PRRC2C: variants seen among roughly 807,000 people sequenced by gnomAD.
PRRC2C encodes the protein protein PRRC2C.
Under a neutral mutation model 317.2 loss-of-function variants are expected in PRRC2C, and 72 were observed. The observed-to-expected ratio is 0.23, with a 90% confidence interval of 0.19 to 0.28. The LOEUF (loss-of-function observed/expected upper bound fraction) is 0.28, where lower values mean the gene tolerates loss of function less well. PRRC2C is among the 10% of genes least tolerant of loss of function. PRRC2C has a pLI of 1.00. For synonymous variants in PRRC2C, 1,296 were observed against 1,205.9 expected, an observed-to-expected ratio of 1.07 and a Z score of -1.55; for missense variants, 3,074 against 3,459.7, an observed-to-expected ratio of 0.89 and a Z score of 2.80.
Position 171,557,286 on chromosome 1 carries a change from C to G in PRRC2C, c.5174C>G (p.Ser1725Cys), listed in dbSNP as rs1681637092. ...AATGAAAAAGGAAGAAGCCAGACTTCTAAGCTTCCTCCAAGATTTGCCAAA... is the reference window on the plus strand; with the variant it reads ...AATGAAAAAGGAAGAAGCCAGACTTGTAAGCTTCCTCCAAGATTTGCCAAA... ...NANEKGRSQT[S>C]KLPPRFAKKQ... The change falls in exon 19 of 35, where the codon TCT becomes TGT. Residue 1725 changes from serine to cysteine, a missense_variant. Physicochemically the swap from Ser to Cys is moderately radical, Grantham distance 112. Coordinates refer to ENST00000647382, the MANE Select transcript of PRRC2C (RefSeq NM_001387844.1). 1 of 1,551,888 alleles carries G rather than the reference C, an allele frequency of 6.4e-7. No homozygotes were observed.
rs182307139 is a variant in PRRC2C at position 171,571,991 on chromosome 1, A to C, written c.6753+570A>C. Among the ~76,000 whole-genome samples, 10 of 152,240 alleles carry C rather than the reference A, an allele frequency of 6.6e-5. No homozygotes were observed. The East Asian group carries it at 1.7e-3, about 26-fold the overall frequency. ...AGAGATTCAGCGCTTTTTGATGTCAAAATGTTTTGGCCTTTTTTTTTAATC... is the reference window on the plus strand; with the variant it reads ...AGAGATTCAGCGCTTTTTGATGTCACAATGTTTTGGCCTTTTTTTTTAATC... On this transcript the variant is annotated intron_variant, in intron 24 of 34. Coordinates refer to ENST00000647382, the MANE Select transcript of PRRC2C (RefSeq NM_001387844.1).
chr1:171,536,080 CCA>C lies in PRRC2C; in HGVS notation c.2098_2099del (p.Gln700AspfsTer9). On this transcript the variant is annotated frameshift_variant, in exon 14 of 35. Coordinates refer to ENST00000647382, the MANE Select transcript of PRRC2C (RefSeq NM_001387844.1). LOFTEE classifies it high-confidence loss of function. ...WQQQQQQGVL[P>X]QTVPSQPSSS... Reference sequence around the variant, plus strand: ...GCAGCAGCAACAGCAAGGTGTACTTCCACAGACTGTTCCTTCACAACCGTCCA... The same window carrying C: ...GCAGCAGCAACAGCAAGGTGTACTTCCAGACTGTTCCTTCACAACCGTCCA... 6.4e-7 allele frequency: 1 copy of C among 1,554,090 alleles called. No homozygotes were observed. Among genetic ancestry groups the C allele is most frequent in the Admixed American group, 2.0e-5 (1 of 51,118 alleles).
chr1:171,516,143 T>A (rs960125874), intron 5 of PRRC2C, among the ~76,000 whole-genome samples: 5 of 152,206 alleles, frequency 3.3e-5, no homozygotes, highest in African/African-American at 7.2e-5. Context: ...AATATTTGGA[T>A]TTTTTTATAC....
chr1:171,493,088 G>GGAAGGAGAGAA (rs142089975), intron 1 of PRRC2C, among the ~76,000 whole-genome samples: 151 of 151,644 alleles, frequency 1.0e-3, no homozygotes, highest in African/African-American at 3.3e-3. Context: ...AATAAAAGAA[G>GGAAGGAGAGAA]AGAAGGAAGG....
chr1:171,537,209 T>C, intron 14 of PRRC2C, 54 bp from the exon 15 acceptor site: 2 of 1,349,686 alleles, frequency 1.5e-6, no homozygotes, highest in Non-Finnish European at 2.1e-6. Flanking sequence ...CATGGTTTTG[T>C]TTCGTTCATT....
chr1:171,591,870 ATTGGGAGGGGGGCGGG>A lies in PRRC2C; in HGVS notation c.*24_*39del. 1 of 676,140 alleles carries A rather than the reference ATTGGGAGGGGGGCGGG, an allele frequency of 1.5e-6. No homozygotes were observed. Among genetic ancestry groups the A allele is most frequent in the Non-Finnish European group, 2.3e-6 (1 of 429,012 alleles). 41.9% of individuals were successfully genotyped at this position (676,140 alleles called of 1,614,324 possible). A position where few individuals can be genotyped will look rare whatever the true frequency, so the allele number is the denominator to read the frequency against. On this transcript the variant is annotated 3_prime_UTR_variant, in exon 35 of 35. Coordinates refer to ENST00000647382, the MANE Select transcript of PRRC2C (RefSeq NM_001387844.1). ...TAAAGGCTATGGTTTATTGCAGGGG[ATTGGGAGGGGGGCGGG>A]AAAACATGGAGAATTAAGTCAGATA...
chr1:171,558,269 A>G (rs559388513), intron 19 of PRRC2C, 126 bp downstream of exon 19: 3 of 1,268,754 alleles, frequency 2.4e-6, no homozygotes, highest in African/African-American at 3.0e-5. Flanking sequence ...GGAAAAAGTA[A>G]TAGTAATCCT....
At position 171,532,786 on chromosome 1, in the gene PRRC2C, AAAAG is replaced by A; in HGVS notation, c.1701_1704del (p.Lys567AsnfsTer2). 1 of 1,545,050 alleles carries A rather than the reference AAAAG, an allele frequency of 6.5e-7. No individual in the cohort carries two copies. The highest frequency in any genetic ancestry group is 8.7e-7 in the Non-Finnish European group (1 of 1,149,770). On this transcript the variant is annotated frameshift_variant, in exon 12 of 35. Coordinates refer to ENST00000647382, the MANE Select transcript of PRRC2C (RefSeq NM_001387844.1). LOFTEE classifies it high-confidence loss of function. ...AGAAAGAAAGAAAGCAAGAAAAAGA[AAAAG>A]AACTAGAACGGCAGAAAGAAAAGGA...
At chr1:171,534,561 A>G (rs975460740) in intron 12 of PRRC2C, among the ~76,000 whole-genome samples, 1 of 151,908 alleles carries the variant, frequency 6.6e-6, no homozygotes, top group South Asian at 2.1e-4. Flanking sequence ...ACGTGATTTT[A>G]AAGTCAGTGC....
chr1:171,582,204 A>G (rs1291579831), intron 28 of PRRC2C, among the ~76,000 whole-genome samples: 1 of 152,226 alleles, frequency 6.6e-6, no homozygotes, highest in Admixed American at 6.5e-5. Flanking sequence ...TGCCAAAGAG[A>G]AAAAGAGATT....
chr1:171,543,814 G>A (rs1041377057), intron 16 of PRRC2C, among the ~76,000 whole-genome samples: 2 of 152,166 alleles, frequency 1.3e-5, no homozygotes, highest in African/African-American at 4.8e-5. Flanking sequence ...CTGCAAAGTC[G>A]AAGGTTGAGG....
chr1:171,532,798 A>G lies in PRRC2C; in HGVS notation c.1710A>G (p.Glu570=). The G allele has an allele frequency of 2.6e-6, 4 of 1,568,168 alleles. No individual in the cohort carries two copies. The highest frequency in any genetic ancestry group is 1.2e-5 in the South Asian group (1 of 83,636). ...AGCAAGAAAAAGAAAAAGAACTAGA[A>G]CGGCAGAAAGAAAAGGAAAAAGAAC... The part of the protein sequence containing the change: ...ERKQEKEKEL[E]RQKEKEKELQ... Residue 570 remains glutamate, a synonymous_variant, in exon 12 of 35, where the codon GAA becomes GAG. Coordinates refer to ENST00000647382, the MANE Select transcript of PRRC2C (RefSeq NM_001387844.1).
chr1:171,568,646 A>G (rs914165748), intron 23 of PRRC2C, among the ~76,000 whole-genome samples: 1 of 152,216 alleles, frequency 6.6e-6, no homozygotes, highest in Non-Finnish European at 1.5e-5. Context: ...TAGCTCTCAC[A>G]TTTACAAATT....
At chr1:171,516,628 A>G (rs1175095003) in intron 5 of PRRC2C, among the ~76,000 whole-genome samples, 4 of 152,240 alleles carry the variant, frequency 2.6e-5, no homozygotes, top group African/African-American at 9.6e-5. Flanking sequence ...AAATTTAGCA[A>G]TGTAAAACAA....
intron 27 of PRRC2C, 101 bp downstream of exon 27, chr1:171,579,567 C>A: frequency 6.9e-7 from 1 of 1,441,282 alleles, no homozygotes; most frequent in Non-Finnish European, 9.1e-7. Context: ...AAATTACAAG[C>A]TACCCACGAT....
At chr1:171,518,554 G>A (rs113401485) in intron 6 of PRRC2C, among the ~76,000 whole-genome samples, 11,074 of 125,788 alleles carry the variant, frequency 0.088, 1,502 homozygotes, top group African/African-American at 0.31. Flanking sequence ...CTGGAGTGCA[G>A]TGGCATGATC....
intron 1 of PRRC2C, among the ~76,000 whole-genome samples, chr1:171,498,228 C>G (rs1668470862): frequency 6.6e-6 from 1 of 152,114 alleles, no homozygotes. Flanking sequence ...CTCTCTTAGT[C>G]CATTCATGCT....
chr1:171,505,882 C>T (rs1270461117), intron 1 of PRRC2C, among the ~76,000 whole-genome samples: 6 of 152,140 alleles, frequency 3.9e-5, no homozygotes, highest in East Asian at 1.9e-4. Context: ...TTTTACTGTA[C>T]GCTTTCTATG....
chr1:171,513,457 C>G (rs749654618), intron 3 of PRRC2C: 1 of 518,930 alleles, frequency 1.9e-6, no homozygotes, highest in East Asian at 4.9e-5. Flanking sequence ...CTCAGGTATT[C>G]CCTTTCCAAT....
Sources: gnomAD v4.1 joint callset for allele counts (sites outside exome capture counted in the v4.1 genomes callset) on GRCh38, gnomAD v4.1.1 for gene constraint, MANE v1.5 for transcripts, NCBI Gene and HGNC (gene_info 2026-07-23, HGNC 2026-07-21) for gene names.